The following TTC27 variants were observed in gnomAD, a reference collection of about 807,000 sequenced individuals.
TTC27 encodes tetratricopeptide repeat protein 27.
In TTC27, 79 loss-of-function variants were observed where a neutral mutation model predicts 115.9. The ratio of observed to expected loss-of-function variants is 0.68; its 90% confidence interval spans 0.57 to 0.82. TTC27 has a LOEUF of 0.82. Among genes scored for constraint, TTC27 ranks in the 40% least tolerant of loss-of-function variants. The probability of loss-of-function intolerance (pLI) is 0.00; values close to 1 mark genes in which losing one functional copy is unlikely to be tolerated. For synonymous variants in TTC27, 401 were observed against 356.0 expected (o/e 1.13, Z -1.42); for missense variants, 1,054 against 993.1 (o/e 1.06, Z -0.82).
intron 18 of TTC27, among the ~76,000 whole-genome samples, chr2:32,814,220 G>A (rs547700386): frequency 6.6e-6 from 1 of 152,318 alleles, no homozygotes; most frequent in African/African-American, 2.4e-5. Context: ...GAGATATGCA[G>A]GTTAAAGAGA....
chr2:32,754,942 G>A (rs1194465945), intron 12 of TTC27, among the ~76,000 whole-genome samples: 1 of 151,744 alleles, frequency 6.6e-6, no homozygotes, highest in African/African-American at 2.4e-5. Context: ...CTTCCCAGAC[G>A]GGGCGGCTGC....
At chr2:32,682,855 T>TTTC (rs1439522209) in intron 9 of TTC27, among the ~76,000 whole-genome samples, 1 of 113,958 alleles carries the variant, frequency 8.8e-6, no homozygotes, top group East Asian at 2.5e-4. Flanking sequence ...TTGTTTTTTT[T>TTTC]TTTTTTTTTT....
At chr2:32,748,884 C>T (rs895533647) in intron 12 of TTC27, among the ~76,000 whole-genome samples, 5 of 151,906 alleles carry the variant, frequency 3.3e-5, no homozygotes, top group Admixed American at 2.0e-4. Flanking sequence ...GACGGGGTTT[C>T]ACCATGTTGG....
chr2:32,813,364 A>G (rs2148049064), intron 18 of TTC27, among the ~76,000 whole-genome samples: 1 of 152,292 alleles, frequency 6.6e-6, no homozygotes, highest in East Asian at 1.9e-4. Flanking sequence ...ACAAATAGGG[A>G]GCAAACAAGG....
intron 9 of TTC27, among the ~76,000 whole-genome samples, chr2:32,684,897 A>G (rs1666576345): frequency 6.6e-6 from 1 of 151,572 alleles, no homozygotes; most frequent in African/African-American, 2.4e-5. Context: ...AAAAGAAAAC[A>G]TAAACAGAAT....
At chr2:32,710,334 G>A (rs1667531537) in intron 10 of TTC27, among the ~76,000 whole-genome samples, 2 of 151,608 alleles carry the variant, frequency 1.3e-5, no homozygotes, top group Non-Finnish European at 2.9e-5. Context: ...AGTAACTTTG[G>A]CAAATAAAAT....
chr2:32,636,635 C>A (rs1664439417), intron 3 of TTC27, among the ~76,000 whole-genome samples: 1 of 152,184 alleles, frequency 6.6e-6, no homozygotes, highest in Admixed American at 6.5e-5. Flanking sequence ...GCATTGGAAT[C>A]CACATTTTCT....
At chr2:32,654,614 T>C (rs992338548) in intron 5 of TTC27, among the ~76,000 whole-genome samples, 7 of 152,046 alleles carry the variant, frequency 4.6e-5, no homozygotes, top group African/African-American at 1.7e-4. Flanking sequence ...CACTGCAACT[T>C]TGAAATCCTG....
chr2:32,687,104 C>A (rs1666658440), intron 9 of TTC27, among the ~76,000 whole-genome samples: 1 of 152,102 alleles, frequency 6.6e-6, no homozygotes. Context: ...CTCAGCCTCC[C>A]AAAGTCTGAG....
chr2:32,795,471 A>G (rs1670666296), intron 16 of TTC27, among the ~76,000 whole-genome samples: 1 of 152,062 alleles, frequency 6.6e-6, no homozygotes. Flanking sequence ...AATAAAAGCC[A>G]GGTATGAAAA....
intron 12 of TTC27, among the ~76,000 whole-genome samples, chr2:32,754,732 C>T (rs900421439): frequency 2.7e-5 from 4 of 149,156 alleles, no homozygotes; most frequent in African/African-American, 9.9e-5. Flanking sequence ...CGGGCAGAGG[C>T]GTCTCTCACC....
intron 9 of TTC27, among the ~76,000 whole-genome samples, chr2:32,686,714 C>T (rs906267166): frequency 2.0e-5 from 3 of 152,068 alleles, no homozygotes; most frequent in South Asian, 2.1e-4. Flanking sequence ...AAATTATCAA[C>T]TGTGGGCAAG....
chr2:32,810,900 A>G (rs778134020), intron 16 of TTC27, 124 bp from the exon 17 acceptor site: 1 of 1,062,380 alleles, frequency 9.4e-7, no homozygotes, highest in Middle Eastern at 2.2e-4. Context: ...CTTAAAGGTG[A>G]TACTCTTAAC....
intron 13 of TTC27, chr2:32,766,474 G>A (rs776190337): frequency 6.6e-6 from 3 of 454,688 alleles, no homozygotes; most frequent in South Asian, 1.6e-5. Flanking sequence ...TTAGGGAAGC[G>A]GGAGGCCTGA....
Position 32,640,460 on chromosome 2 carries a change from A to G in TTC27, c.537+50A>G, listed in dbSNP as rs750323922. 2.6e-6 allele frequency: 4 copies of G among 1,566,616 alleles called. No individual in the cohort carries two copies. The East Asian group carries it at 6.8e-5, about 26-fold the overall frequency. ...ATACCCTGGTATGACTTTTGTGCTT[A>G]TTAACACCAGGCTGTAGATGTGTTG... is the stretch of plus-strand genomic sequence containing the variant. On this transcript the variant is annotated intron_variant, in intron 4 of 19. Coordinates refer to ENST00000317907, the MANE Select transcript of TTC27 (RefSeq NM_017735.5).
In TTC27 at chr2:32,803,899, C is replaced by T. The variant is rs144132604; in HGVS notation, c.1999-7125C>T. 5.0e-3 allele frequency among the ~76,000 whole-genome samples: 755 copies of T among 151,330 alleles called. 3 individuals are homozygous for T. Among genetic ancestry groups the T allele is most frequent in the Non-Finnish European group, 7.9e-3 (536 of 67,840 alleles). ...GCATGCATCTGTAGTCCCAGCTACTCGGGAGGCTGAGGCATGAGAATCGCT... is the reference window on the plus strand; with the variant it reads ...GCATGCATCTGTAGTCCCAGCTACTTGGGAGGCTGAGGCATGAGAATCGCT... On this transcript the variant is annotated intron_variant, in intron 16 of 19. Coordinates refer to ENST00000317907, the MANE Select transcript of TTC27 (RefSeq NM_017735.5).
At chr2:32,782,942 T>C (rs1446240101) in intron 15 of TTC27, among the ~76,000 whole-genome samples, 1 of 152,220 alleles carries the variant, frequency 6.6e-6, no homozygotes, top group Non-Finnish European at 1.5e-5. Flanking sequence ...AGTTTTACAT[T>C]CTACATTTTA....
intron 1 of TTC27, among the ~76,000 whole-genome samples, chr2:32,630,167 A>C (rs1190605237): frequency 6.6e-6 from 1 of 152,210 alleles, no homozygotes; most frequent in African/African-American, 2.4e-5. Context: ...GGTAGAAAGA[A>C]CCAGATTGTG....
intron 4 of TTC27, among the ~76,000 whole-genome samples, chr2:32,645,914 T>G (rs1379412920): frequency 1.3e-5 from 2 of 151,818 alleles, no homozygotes; most frequent in Non-Finnish European, 1.5e-5. Flanking sequence ...GAGATGGATT[T>G]TCACCATGTT....
Sources: gnomAD v4.1 joint callset for allele counts (sites outside exome capture counted in the v4.1 genomes callset) on GRCh38, gnomAD v4.1.1 for gene constraint, MANE v1.5 for transcripts, NCBI Gene and HGNC (gene_info 2026-07-23, HGNC 2026-07-21) for gene names.